MSMO1: variants seen among roughly 807,000 people sequenced by gnomAD.
The protein encoded by MSMO1 is methylsterol monooxygenase 1, also known as C-4 methylsterol oxidase.
Under a neutral mutation model 30.4 loss-of-function variants are expected in MSMO1, and 18 were observed. That is an observed-to-expected ratio of 0.59 (90% CI 0.41 to 0.88). MSMO1 has a LOEUF of 0.88. MSMO1 is among the 40% of genes least tolerant of loss of function. MSMO1 has a pLI of 0.00. For synonymous variants in MSMO1, 84 were observed against 107.9 expected (o/e 0.78, Z 1.37); for missense variants, 284 against 340.5 (o/e 0.83, Z 1.31).
intron 5 of MSMO1, among the ~76,000 whole-genome samples, chr4:165,340,811 G>T (rs1414397981): frequency 1.3e-5 from 2 of 152,210 alleles, no homozygotes; most frequent in Admixed American, 1.3e-4. Flanking sequence ...AAGACATTTT[G>T]TGGTAAATTA....
intron 3 of MSMO1, 74 bp from the exon 4 acceptor site, chr4:165,338,578 G>A (rs1317364408): frequency 7.4e-7 from 1 of 1,350,234 alleles, no homozygotes; most frequent in Non-Finnish European, 1.1e-6. Flanking sequence ...GTCTCAAGCA[G>A]TGATCCCAAC....
intron 5 of MSMO1, among the ~76,000 whole-genome samples, 188 bp from the exon 6 acceptor site, chr4:165,341,563 T>C (rs1393746964): frequency 6.6e-6 from 1 of 152,182 alleles, no homozygotes; most frequent in Non-Finnish European, 1.5e-5. Flanking sequence ...GGATTTTTTT[T>C]CTTAGAGTGG....
rs2118496 is a variant in MSMO1, at chr4:165,333,821, A to G, written c.255+196A>G. Among the ~76,000 whole-genome samples, 86,364 of 152,056 alleles carry G rather than the reference A, an allele frequency of 0.57. 24,791 individuals carry two copies. The highest frequency in any genetic ancestry group is 0.64 in the Admixed American group (9,843 of 15,266). On this transcript the variant is annotated intron_variant, in intron 2 of 5. Coordinates refer to ENST00000261507, the MANE Select transcript of MSMO1 (RefSeq NM_006745.5). ...TAAGGAAATTAATTTCATAATGTGT[A>G]TCATTTAGCTCAATAAATGTAAACT...
At chr4:165,336,598 A>G (rs935221571) in intron 2 of MSMO1, among the ~76,000 whole-genome samples, 2 of 152,206 alleles carry the variant, frequency 1.3e-5, no homozygotes, top group African/African-American at 4.8e-5. Flanking sequence ...TGAAGCCTGA[A>G]TCCTTCATTT....
At chr4:165,331,931 G>A (rs996166104) in intron 1 of MSMO1, among the ~76,000 whole-genome samples, 9 of 147,454 alleles carry the variant, frequency 6.1e-5, no homozygotes, top group African/African-American at 2.1e-4. Context: ...CTACCCCGCC[G>A]CGCTCTGTCT....
At chr4:165,337,685 T>A in intron 2 of MSMO1, 104 bp from the exon 3 acceptor site, 1 of 1,157,646 alleles carries the variant, frequency 8.6e-7, no homozygotes, top group South Asian at 1.3e-5. Flanking sequence ...AAAGTTAACA[T>A]AACTGACGTA....
At chr4:165,340,078 C>A in intron 4 of MSMO1, 143 bp from the exon 5 acceptor site, 1 of 705,894 alleles carries the variant, frequency 1.4e-6, no homozygotes, top group Non-Finnish European at 2.4e-6. Flanking sequence ...TAAATGTTAA[C>A]AACATCTAAA....
chr4:165,338,308 A>G (rs572971930), intron 3 of MSMO1, among the ~76,000 whole-genome samples: 5 of 10,868 alleles, frequency 4.6e-4, no homozygotes, highest in South Asian at 0.015. Flanking sequence ...ATGTATGTGT[A>G]TATATATATA....
intron 2 of MSMO1, among the ~76,000 whole-genome samples, chr4:165,334,162 T>A (rs1320072944): frequency 6.6e-6 from 1 of 152,254 alleles, no homozygotes; most frequent in African/African-American, 2.4e-5. Context: ...AGATATTTAA[T>A]AAGTCTTTGC....
chr4:165,330,158 C>A (rs776169897), intron 1 of MSMO1, among the ~76,000 whole-genome samples: 19 of 152,266 alleles, frequency 1.2e-4, no homozygotes, highest in Non-Finnish European at 2.2e-4. Context: ...GCATGGGCTT[C>A]CCCACTTAGC....
chr4:165,331,313 GAAAA>G (rs59598228), intron 1 of MSMO1, among the ~76,000 whole-genome samples: 1 of 135,058 alleles, frequency 7.4e-6, no homozygotes, highest in Non-Finnish European at 1.6e-5. Flanking sequence ...CAAAAAAAAA[GAAAA>G]AAAAAAAGAA....
intron 3 of MSMO1, among the ~76,000 whole-genome samples, chr4:165,338,304 G>GTATATA (rs749159995): frequency 9.8e-6 from 1 of 101,736 alleles, no homozygotes; most frequent in Admixed American, 8.9e-5. Flanking sequence ...AAATATGTAT[G>GTATATA]TGTATATATA....
intron 1 of MSMO1, among the ~76,000 whole-genome samples, chr4:165,331,313 G>GA (rs59598228): frequency 0.016 from 2,111 of 135,004 alleles, 52 homozygotes; most frequent in African/African-American, 0.052. Flanking sequence ...CAAAAAAAAA[G>GA]AAAAAAAAAA....
In MSMO1 at chr4:165,337,253, T is replaced by G. The variant is rs545557783; in HGVS notation, c.256-536T>G. Reference sequence around the variant, plus strand: ...TGATCTAACTTTTCTCATTTTGACTTGAATCTGTGAACTCCATAATCAGGA... The same window carrying G: ...TGATCTAACTTTTCTCATTTTGACTGGAATCTGTGAACTCCATAATCAGGA... On this transcript the variant is annotated intron_variant, in intron 2 of 5. Coordinates refer to ENST00000261507, the MANE Select transcript of MSMO1 (RefSeq NM_006745.5). Among the ~76,000 whole-genome samples the G allele has an allele frequency of 7.9e-4, 121 of 152,332 alleles. 1 individual carries two copies. The highest frequency in any genetic ancestry group is 4.6e-4 in the Admixed American group (7 of 15,308).
chr4:165,334,545 C>T (rs927731295), intron 2 of MSMO1, among the ~76,000 whole-genome samples: 4 of 152,078 alleles, frequency 2.6e-5, no homozygotes, highest in South Asian at 2.1e-4. Context: ...CTGCAGCATT[C>T]GTATCATCCC....
intron 1 of MSMO1, among the ~76,000 whole-genome samples, chr4:165,332,478 A>G (rs1336790946): frequency 6.6e-6 from 1 of 152,034 alleles, no homozygotes; most frequent in African/African-American, 2.4e-5. Flanking sequence ...ATCTTAGCGG[A>G]TCTGTCTTTG....
chr4:165,339,783 G>A (rs1041370111), intron 4 of MSMO1, among the ~76,000 whole-genome samples: 19 of 152,152 alleles, frequency 1.2e-4, no homozygotes, highest in Non-Finnish European at 1.3e-4. Context: ...GTATATATAT[G>A]CAGAGAGAGA....
chr4:165,328,355 C>T (rs1021148397), intron 1 of MSMO1, among the ~76,000 whole-genome samples: 2 of 152,162 alleles, frequency 1.3e-5, no homozygotes, highest in Non-Finnish European at 1.5e-5. Flanking sequence ...GGAAGGGCCT[C>T]GTGTGCATCA....
chr4:165,338,748 G>A lies in MSMO1; in HGVS notation c.501G>A (p.Lys167=). The change falls in exon 4 of 6, where the codon AAG becomes AAA. Residue 167 remains lysine (K), a synonymous_variant. Transcript: ENST00000261507. ...HRLLHHKRIY[K]YIHKVHHEFQ... ...TCTTACACCACAAAAGAATATACAAGTATATTCATAAAGTTCATCATGAGT... is the reference window on the plus strand; with the variant it reads ...TCTTACACCACAAAAGAATATACAAATATATTCATAAAGTTCATCATGAGT... 6.3e-7 allele frequency: 1 copy of A among 1,593,544 alleles called. No homozygotes were observed. Among genetic ancestry groups the A allele is most frequent in the South Asian group, 1.1e-5 (1 of 90,452 alleles).
Sources: allele counts gnomAD v4.1 joint callset (sites outside exome capture counted in the v4.1 genomes callset), GRCh38; gene constraint gnomAD v4.1.1; transcripts MANE v1.5; gene names NCBI Gene and HGNC (gene_info 2026-07-23, HGNC 2026-07-21).